ACOT11: variants seen among roughly 807,000 people sequenced by gnomAD.
The protein encoded by ACOT11 is acyl-coenzyme A thioesterase 11.
ACOT11 carries 69 observed loss-of-function variants against 77.5 expected under a neutral mutation model. The ratio of observed to expected loss-of-function variants is 0.89; its 90% confidence interval spans 0.73 to 1.09. The LOEUF (loss-of-function observed/expected upper bound fraction) is 1.09. Among genes scored for constraint, ACOT11 ranks in the 50% least tolerant of loss-of-function variants. The pLI is 0.00. For synonymous variants in ACOT11, 279 were observed against 313.0 expected, an observed-to-expected ratio of 0.89 and a Z score of 1.15; for missense variants, 766 against 813.7, an observed-to-expected ratio of 0.94 and a Z score of 0.71.
intron 15 of ACOT11, among the ~76,000 whole-genome samples, chr1:54,618,857 T>C (rs1644200974): frequency 6.6e-6 from 1 of 152,230 alleles, no homozygotes; most frequent in African/African-American, 2.4e-5. Context: ...TTTTTGCCTG[T>C]TTCCTCATCT....
intron 1 of ACOT11, among the ~76,000 whole-genome samples, chr1:54,569,123 A>T (rs542027163): frequency 5.5e-5 from 8 of 144,414 alleles, no homozygotes; most frequent in African/African-American, 8.2e-5. Flanking sequence ...GAAAAAAAAA[A>T]AATAATTTTT....
downstream of ACOT11, chr1:54,610,658 AAGCCTCAT>A: frequency 6.7e-7 from 1 of 1,498,702 alleles, no homozygotes; most frequent in Non-Finnish European, 8.9e-7. Flanking sequence ...CATCCTCTCT[AAGCCTCAT>A]AGCACCCTGC....
In ACOT11 at chr1:54,597,251, C is replaced by T. The variant is rs752457333; in HGVS notation, c.608-8C>T. 1.9e-6 allele frequency: 3 copies of T among 1,610,666 alleles called. No individual in the cohort carries two copies. In the Admixed American group the frequency reaches 5.0e-5, roughly 27 times the overall value. ...CCTGCTTCCCTCCCTTATCCCATCC[C>T]TGGTCAGATCTGGAGAGCAGAGACT... On this transcript the variant is annotated splice_polypyrimidine_tract_variant and splice_region_variant and intron_variant, in intron 6 of 15. Transcript: ENST00000343744.
chr1:54,623,666 G>A (rs528270631), intron 15 of ACOT11: 110 of 340,806 alleles, frequency 3.2e-4, no homozygotes, highest in African/African-American at 2.3e-3. Flanking sequence ...TTTGAGCACA[G>A]TAAGAGGCAG....
intron 1 of ACOT11, among the ~76,000 whole-genome samples, chr1:54,551,710 GTTTTGTTTTTGTTTTTGTTTTGTTTTGT>G (rs959150441): frequency 6.6e-6 from 1 of 151,608 alleles, no homozygotes; most frequent in African/African-American, 2.4e-5. Flanking sequence ...GGCTGTTTTT[GTTTTGTTTTTGTTTTTGTTTTGTTTTGT>G]TTTTGTTTTT....
exon 17 of ACOT11, chr1:54,635,270 C>T: frequency 4.6e-6 from 1 of 218,488 alleles, no homozygotes; most frequent in Admixed American, 5.6e-5. Context: ...TGAATTGCAC[C>T]TCTCAGTCTG....
intron 1 of ACOT11, among the ~76,000 whole-genome samples, chr1:54,562,627 G>A (rs1157439770): frequency 4.3e-4 from 62 of 143,764 alleles, no homozygotes; most frequent in African/African-American, 1.0e-3. Flanking sequence ...GCTGCCGGGC[G>A]GAGGGGCTCC....
Position 54,601,418 on chromosome 1 carries a change from G to C in ACOT11, c.1029+5G>C, listed in dbSNP as rs773397398. The stretch of plus-strand genomic sequence containing the variant: ...TGGATTCGGCCCCAGCCCGGCGTAA[G>C]TGGGACCAGCGCCCTGCCCCACCAG... On this transcript the variant is annotated splice_donor_5th_base_variant and intron_variant, in intron 9 of 15. Coordinates refer to ENST00000343744, the MANE Select transcript of ACOT11 (RefSeq NM_147161.4). The C allele has an allele frequency of 1.2e-5, 19 of 1,610,738 alleles. No individual in the cohort carries two copies. The highest frequency in any genetic ancestry group is 1.6e-5 in the Non-Finnish European group (19 of 1,179,700).
At chr1:54,603,831 C>G (rs1389635655) in intron 10 of ACOT11, 40 bp from the exon 11 acceptor site, 15 of 1,600,880 alleles carry the variant, frequency 9.4e-6, no homozygotes, top group Non-Finnish European at 1.3e-5. Flanking sequence ...AAGTGCTGAA[C>G]TTCCAGGGGA....
intron 1 of ACOT11, among the ~76,000 whole-genome samples, chr1:54,568,576 CTGGT>C (rs1653820063): frequency 2.0e-5 from 3 of 151,896 alleles, no homozygotes; most frequent in African/African-American, 7.3e-5. Flanking sequence ...TTTGGTCAGA[CTGGT>C]CTCCAGCTCC....
rs200260398 is a variant in ACOT11 at position 54,584,703 on chromosome 1, C to T, written c.82C>T (p.Arg28Cys). 135 of 1,614,062 alleles carry T rather than the reference C, an allele frequency of 8.4e-5. No homozygotes were observed. The highest frequency in any genetic ancestry group is 2.2e-4 in the Admixed American group (13 of 60,008). ...SNRTSRKSALRAGNDSAMADG... is the reference protein window; with the variant it reads ...SNRTSRKSALCAGNDSAMADG... Reference sequence around the variant, plus strand: ...CCGCACATCCCGGAAGTCAGCCTTACGTGCGGGGAACGACAGTGCCATGGC... The same window carrying T: ...CCGCACATCCCGGAAGTCAGCCTTATGTGCGGGGAACGACAGTGCCATGGC... The change falls in exon 2 of 16, where the codon CGT (arginine) becomes TGT (cysteine). Residue 28 changes from arginine to cysteine, a missense_variant. Physicochemically the swap from Arg to Cys is radical, Grantham distance 180. Coordinates refer to ENST00000343744, the MANE Select transcript of ACOT11 (RefSeq NM_147161.4). This position sits in a 1 kb window ranked among gnomAD's most constrained non-coding sequence, Gnocchi z 6.3.
At chr1:54,570,334 A>G (rs948142507) in intron 1 of ACOT11, among the ~76,000 whole-genome samples, 5 of 152,164 alleles carry the variant, frequency 3.3e-5, no homozygotes, top group African/African-American at 1.2e-4. Context: ...TAGAGAGAGG[A>G]TGTGTTCAAC....
At chr1:54,602,165 C>T (rs1482088200) in intron 9 of ACOT11, among the ~76,000 whole-genome samples, 1 of 152,188 alleles carries the variant, frequency 6.6e-6, no homozygotes, top group African/African-American at 2.4e-5. Flanking sequence ...AGAGGGTGGG[C>T]TTGAGGCAGG....
Position 54,585,270 on chromosome 1 carries a change from G to A in ACOT11, c.241+408G>A, listed in dbSNP as rs368223792. On this transcript the variant is annotated intron_variant, in intron 2 of 15. Transcript: ENST00000343744. Reference sequence around the variant, plus strand: ...GCACCGGTGTTCTCCAACCTACAGCGCTCACAGCCTGGTAGGGTGGGGATG... The same window carrying A: ...GCACCGGTGTTCTCCAACCTACAGCACTCACAGCCTGGTAGGGTGGGGATG... 1.6e-4 allele frequency among the ~76,000 whole-genome samples: 24 copies of A among 152,280 alleles called. No individual in the cohort carries two copies. The East Asian group carries it at 3.7e-3, about 23-fold the overall frequency.
chr1:54,605,248 C>T, intron 13 of ACOT11, 39 bp downstream of exon 13: 2 of 1,601,648 alleles, frequency 1.2e-6, no homozygotes, highest in Non-Finnish European at 8.5e-7. Context: ...TGTCCCTTCT[C>T]CGGCCTGATG....
chr1:54,597,173 G>A, intron 6 of ACOT11, 86 bp from the exon 7 acceptor site: 1 of 1,541,654 alleles, frequency 6.5e-7, no homozygotes, highest in Non-Finnish European at 8.8e-7. Flanking sequence ...AGAGTGGTGG[G>A]GGTCCCAGGG....
At chr1:54,601,192 T>G (rs1187184759) in intron 8 of ACOT11, 77 bp from the exon 9 acceptor site, 3 of 1,530,754 alleles carry the variant, frequency 2.0e-6, no homozygotes, top group Non-Finnish European at 8.8e-7. Context: ...TGTGTGTGTG[T>G]GAGTGTGTGT....
chr1:54,568,024 C>G (rs992095182), intron 1 of ACOT11, among the ~76,000 whole-genome samples: 3 of 152,188 alleles, frequency 2.0e-5, no homozygotes, highest in Admixed American at 6.5e-5. Context: ...AGAGTCTGCT[C>G]TCTGCATTTC....
In ACOT11 at chr1:54,593,976, T is replaced by C. The variant is rs1654805257; in HGVS notation, c.408T>C (p.Ser136=). The change falls in exon 5 of 16, where the codon TCT becomes TCC. Residue 136 remains serine (S), a synonymous_variant. Coordinates refer to ENST00000343744, the MANE Select transcript of ACOT11 (RefSeq NM_147161.4). ...GIQVASEDLC[S]EKQWNVCKAL... ...AGGTGGCCTCGGAGGACCTGTGCTCTGAGAAGCAGTGGAATGTGTGCAAGG... is the reference window on the plus strand; with the variant it reads ...AGGTGGCCTCGGAGGACCTGTGCTCCGAGAAGCAGTGGAATGTGTGCAAGG... 6.2e-7 allele frequency: 1 copy of C among 1,614,140 alleles called. No homozygotes were observed. The highest frequency in any genetic ancestry group is 8.5e-7 in the Non-Finnish European group (1 of 1,179,974).
Sources: allele counts gnomAD v4.1 joint callset (sites outside exome capture counted in the v4.1 genomes callset), GRCh38; gene constraint gnomAD v4.1.1; non-coding constraint Gnocchi (gnomAD v3.1); transcripts MANE v1.5; gene names NCBI Gene and HGNC (gene_info 2026-07-23, HGNC 2026-07-21).